The following CDH8 variants were observed in gnomAD, a reference collection of about 807,000 sequenced individuals.
CDH8 encodes cadherin-8.
A neutral mutation model predicts 68.1 loss-of-function variants in CDH8; 17 were observed. That is an observed-to-expected ratio of 0.25 (90% confidence interval 0.17 to 0.37). The LOEUF (loss-of-function observed/expected upper bound fraction) is 0.37. Ranked by LOEUF, CDH8 falls within the 10% of genes least tolerant of loss-of-function variation. The pLI is 1.00. For synonymous variants in CDH8, 372 were observed against 365.1 expected (o/e 1.02, Z -0.21); for missense variants, 763 against 999.3 (o/e 0.76, Z 3.19).
At chr16:61,920,311 C>A (rs1447642605) in intron 2 of CDH8, among the ~76,000 whole-genome samples, 3 of 134,176 alleles carry the variant, frequency 2.2e-5, no homozygotes, top group Non-Finnish European at 4.7e-5. Flanking sequence ...TCAGAGTGAA[C>A]AGGCAACCTA....
At chr16:61,990,907 G>A (rs959180005) in intron 2 of CDH8, among the ~76,000 whole-genome samples, 1 of 150,198 alleles carries the variant, frequency 6.7e-6, no homozygotes, top group Non-Finnish European at 1.5e-5. Context: ...AGGAAGGAAG[G>A]AAAAGGAAGG....
intron 2 of CDH8, among the ~76,000 whole-genome samples, chr16:61,912,242 A>G (rs1964174506): frequency 6.6e-6 from 1 of 152,142 alleles, no homozygotes; most frequent in African/African-American, 2.4e-5. Context: ...AAAAGACTAC[A>G]TAAAACTGGA....
At chr16:61,927,343 C>T (rs558847382) in intron 2 of CDH8, among the ~76,000 whole-genome samples, 22 of 152,054 alleles carry the variant, frequency 1.4e-4, no homozygotes, top group African/African-American at 4.6e-4. Context: ...TCTTGATTTG[C>T]TAAACATTAT....
At chr16:61,798,812 C>G (rs968156501) in intron 7 of CDH8, among the ~76,000 whole-genome samples, 1 of 152,188 alleles carries the variant, frequency 6.6e-6, no homozygotes, top group Non-Finnish European at 1.5e-5. Flanking sequence ...TTCAATTACT[C>G]TATATTGGTT....
At chr16:61,938,084 A>G (rs575084192) in intron 2 of CDH8, 2 of 152,288 alleles carry the variant, frequency 1.3e-5, no homozygotes, top group South Asian at 4.1e-4. Flanking sequence ...AAAACACTTC[A>G]TGTTGAGTCA....
chr16:61,851,166 A>G (rs577383323), intron 4 of CDH8, among the ~76,000 whole-genome samples: 2 of 152,220 alleles, frequency 1.3e-5, no homozygotes, highest in South Asian at 4.1e-4. Context: ...AGGCATAAAA[A>G]GGACTCAATT....
intron 2 of CDH8, among the ~76,000 whole-genome samples, chr16:61,958,804 G>A (rs1745084074): frequency 6.6e-6 from 1 of 152,120 alleles, no homozygotes; most frequent in South Asian, 2.1e-4. Context: ...TATCTACTAA[G>A]AGTAGTATTT....
chr16:61,795,545 A>T (rs907348908), intron 7 of CDH8, among the ~76,000 whole-genome samples: 1 of 152,116 alleles, frequency 6.6e-6, no homozygotes, highest in Non-Finnish European at 1.5e-5. Context: ...AAATGAGTTG[A>T]TAAATGATTC....
intron 3 of CDH8, among the ~76,000 whole-genome samples, chr16:61,870,745 T>G (rs1963341035): frequency 6.6e-6 from 1 of 152,162 alleles, no homozygotes. Context: ...CCAACATGGT[T>G]GGGGTTTTCT....
intron 2 of CDH8, among the ~76,000 whole-genome samples, chr16:61,965,813 C>T (rs1358174621): frequency 6.6e-6 from 1 of 152,174 alleles, no homozygotes; most frequent in Non-Finnish European, 1.5e-5. Flanking sequence ...AAAGTGGGCA[C>T]TTTCATGAAA....
At chr16:61,733,797 T>A (rs926682987) in intron 8 of CDH8, among the ~76,000 whole-genome samples, 1 of 152,010 alleles carries the variant, frequency 6.6e-6, no homozygotes, top group Non-Finnish European at 1.5e-5. Context: ...TTCAAAATTA[T>A]GTGGTTTAAA....
intron 2 of CDH8, among the ~76,000 whole-genome samples, chr16:61,904,174 A>G (rs1323144069): frequency 2.6e-5 from 4 of 152,196 alleles, no homozygotes; most frequent in African/African-American, 9.6e-5. Flanking sequence ...TTGATAATAT[A>G]AGAAAAGACT....
Position 61,685,011 on chromosome 16 carries a change from G to T in CDH8, c.1654+28830C>A, listed in dbSNP as rs572906059. Among the ~76,000 whole-genome samples the T allele has an allele frequency of 1.8e-4, 27 of 151,834 alleles. No homozygotes were observed. The East Asian group carries it at 5.1e-3, about 28-fold the overall frequency. On this transcript the variant is annotated intron_variant, in intron 10 of 11. Coordinates refer to ENST00000577390, the MANE Select transcript of CDH8 (RefSeq NM_001796.5). ...TAAGTTACCCGCCTATTTCCTGTTTGGTTTTTAGCATCTTCCATCATCTTT... is the reference window on the plus strand; with the variant it reads ...TAAGTTACCCGCCTATTTCCTGTTTTGTTTTTAGCATCTTCCATCATCTTT...
At chr16:61,711,870 AC>A (rs1418630203) in intron 10 of CDH8, among the ~76,000 whole-genome samples, 2 of 151,738 alleles carry the variant, frequency 1.3e-5, no homozygotes, top group African/African-American at 4.8e-5. Flanking sequence ...CCCAGTAGAA[AC>A]AATAAATTAC....
At chr16:62,010,362 A>G (rs188123383) in intron 2 of CDH8, among the ~76,000 whole-genome samples, 93 of 152,286 alleles carry the variant, frequency 6.1e-4, no homozygotes, top group Non-Finnish European at 1.2e-3. Context: ...CATAAGGTTC[A>G]AATGAGATCG....
intron 8 of CDH8, among the ~76,000 whole-genome samples, chr16:61,773,742 G>A (rs904626134): frequency 6.6e-6 from 1 of 152,078 alleles, no homozygotes; most frequent in African/African-American, 2.4e-5. Flanking sequence ...GAATTCCAGG[G>A]TGGATAGAAT....
At chr16:61,713,219 TAAAG>T (rs896496888) in intron 10 of CDH8, among the ~76,000 whole-genome samples, 1 of 151,622 alleles carries the variant, frequency 6.6e-6, no homozygotes, top group African/African-American at 2.4e-5. Flanking sequence ...ATAGTATAGT[TAAAG>T]AAAACAGTAA....
At chr16:61,960,013 T>TATATAC (rs1428445364) in intron 2 of CDH8, among the ~76,000 whole-genome samples, 1 of 80,530 alleles carries the variant, frequency 1.2e-5, no homozygotes, top group East Asian at 3.8e-4. Flanking sequence ...TATATATATA[T>TATATAC]ATACACACAT....
At chr16:61,978,332 C>T (rs1282311451) in intron 2 of CDH8, among the ~76,000 whole-genome samples, 2 of 152,128 alleles carry the variant, frequency 1.3e-5, no homozygotes, top group Non-Finnish European at 2.9e-5. Flanking sequence ...CCTGACTATG[C>T]TTGCTGAGGG....
Sources: gnomAD v4.1 joint callset for allele counts (sites outside exome capture counted in the v4.1 genomes callset) on GRCh38, gnomAD v4.1.1 for gene constraint, MANE v1.5 for transcripts, NCBI Gene and HGNC (gene_info 2026-07-23, HGNC 2026-07-21) for gene names.